ATP8A1: variants seen among roughly 807,000 people sequenced by gnomAD.
The protein encoded by ATP8A1 is ATPase phospholipid transporting 8A1, also known as phospholipid-transporting ATPase IA.
ATP8A1 carries 90 observed loss-of-function variants against 177.7 expected under a neutral mutation model. The observed-to-expected ratio is 0.51, with a 90% CI of 0.43 to 0.60. The LOEUF (loss-of-function observed/expected upper bound fraction) is 0.60. ATP8A1 is among the 20% of genes least tolerant of loss of function. ATP8A1 has a pLI of 0.00. For synonymous variants in ATP8A1, 493 were observed against 485.9 expected, an observed-to-expected ratio of 1.01 and a Z score of -0.19; for missense variants, 1,072 against 1,392.8, an observed-to-expected ratio of 0.77 and a Z score of 3.67.
At chr4:42,463,319 T>G (rs186414141) in intron 27 of ATP8A1, among the ~76,000 whole-genome samples, 29 of 152,296 alleles carry the variant, frequency 1.9e-4, no homozygotes, top group African/African-American at 7.0e-4. Flanking sequence ...TGTGATGTTC[T>G]CGTGATAGTG....
intron 7 of ATP8A1, chr4:42,588,546 G>T: frequency 2.2e-6 from 1 of 450,060 alleles, no homozygotes; most frequent in Non-Finnish European, 4.0e-6. Context: ...GGACCCAAAA[G>T]CAATTTCCTG....
intron 23 of ATP8A1, among the ~76,000 whole-genome samples, chr4:42,503,843 T>C (rs1163487068): frequency 2.0e-5 from 3 of 152,200 alleles, no homozygotes; most frequent in Non-Finnish European, 4.4e-5. Flanking sequence ...AGGCCAACGA[T>C]TGTTTCTAGA....
At chr4:42,420,283 C>CTT (rs1378921415) in intron 35 of ATP8A1, among the ~76,000 whole-genome samples, 1 of 152,156 alleles carries the variant, frequency 6.6e-6, no homozygotes, top group Non-Finnish European at 1.5e-5. Context: ...CACCAGTGGG[C>CTT]GGCAGTGGCA....
In ATP8A1 at chr4:42,578,663, TA is replaced by T. The variant is rs1460008898; in HGVS notation, c.1001-277del. On this transcript the variant is annotated intron_variant, in intron 11 of 36. Transcript: ENST00000381668. The stretch of plus-strand genomic sequence containing the variant: ...CAAACCCTCTTCCAAACACAAAGTT[TA>T]GAGACATCAGGGATAGCACTGAGGG... Among the ~76,000 whole-genome samples, 5 of 152,252 alleles carry T rather than the reference TA, an allele frequency of 3.3e-5. No homozygotes were observed. In the East Asian group the frequency reaches 9.6e-4, roughly 29 times the overall value.
chr4:42,574,636 T>C lies in ATP8A1; in HGVS notation c.1278A>G (p.Ile426Met). 6.2e-7 allele frequency: 1 copy of C among 1,610,308 alleles called. No individual in the cohort carries two copies. The highest frequency in any genetic ancestry group is 1.7e-4 in the Middle Eastern group (1 of 6,046). Reference protein sequence around the residue: ...CNVMQFKKCTIAGVAYGHVPE... With the variant: ...CNVMQFKKCTMAGVAYGHVPE... The stretch of plus-strand genomic sequence containing the variant: ...AAACTCACCCATAAGCAACTCCCGC[T>C]ATGGTGCACTTCTTAAACTGCATTA... The change falls in exon 14 of 37, where the codon ATA becomes ATG. Residue 426 changes from isoleucine to methionine, a missense_variant. Ile to Met is a conservative substitution (Grantham distance 10). Coordinates refer to ENST00000381668, the MANE Select transcript of ATP8A1 (RefSeq NM_006095.2).
intron 1 of ATP8A1, among the ~76,000 whole-genome samples, chr4:42,632,297 A>G (rs962079634): frequency 7.2e-5 from 11 of 152,346 alleles, no homozygotes; most frequent in Non-Finnish European, 1.2e-4. Flanking sequence ...GAAATGAGCA[A>G]GGAAAAGACT....
chr4:42,499,838 AT>A (rs1723649856), intron 24 of ATP8A1, among the ~76,000 whole-genome samples: 1 of 152,208 alleles, frequency 6.6e-6, no homozygotes, highest in African/African-American at 2.4e-5. Flanking sequence ...ACAGTATGAG[AT>A]TCTCTAGTGC....
rs952758270 is a variant in ATP8A1, at chr4:42,657,099, A to G, written c.-226T>C. On this transcript the variant is annotated 5_prime_UTR_variant, in exon 1 of 37. Transcript: ENST00000381668. ...GTGGCGGCGCCCGCAGAGCTGGGCGAGCTCTTGCTGCAGCCGCGGAGGGGC... is the reference window on the plus strand; with the variant it reads ...GTGGCGGCGCCCGCAGAGCTGGGCGGGCTCTTGCTGCAGCCGCGGAGGGGC... The G allele has an allele frequency of 2.6e-6, 1 of 386,192 alleles. No homozygotes were observed. The allele number at this position is 386,192 out of a possible 1,614,324, so 23.9% of individuals were successfully genotyped here.
rs1316057818 is a variant in ATP8A1 at position 42,409,181 on chromosome 4, C to T, written c.*3735G>A. On this transcript the variant is annotated 3_prime_UTR_variant, in exon 37 of 37. Transcript: ENST00000381668. ...ATTTACAGCAATAGCCATGCATTGG[C>T]CTGGATCACTTTAAATATGAACTCA... 4 of 152,130 alleles carry T rather than the reference C, an allele frequency of 2.6e-5. No individual in the cohort carries two copies. The highest frequency in any genetic ancestry group is 9.7e-5 in the African/African-American group (4 of 41,440). 9.4% of individuals were successfully genotyped at this position (152,130 alleles called of 1,614,324 possible).
intron 1 of ATP8A1, among the ~76,000 whole-genome samples, chr4:42,646,859 A>G (rs1321474498): frequency 1.3e-5 from 2 of 152,196 alleles, no homozygotes; most frequent in African/African-American, 4.8e-5. Context: ...TTAGAGGTCT[A>G]ATTAATCCAT....
At chr4:42,559,497 G>A (rs190126967) in intron 15 of ATP8A1, among the ~76,000 whole-genome samples, 91 of 152,190 alleles carry the variant, frequency 6.0e-4, no homozygotes, top group Non-Finnish European at 1.0e-3. Flanking sequence ...GTAATTGTAG[G>A]AAAATAGTAA....
intron 17 of ATP8A1, 38 bp from the exon 18 acceptor site, chr4:42,551,318 G>GAA: frequency 7.2e-7 from 1 of 1,395,882 alleles, no homozygotes; most frequent in Non-Finnish European, 1.0e-6. Context: ...ACACATGATT[G>GAA]AAAAAAAAAT....
chr4:42,421,761 T>A (rs891882575), intron 35 of ATP8A1, among the ~76,000 whole-genome samples: 1 of 152,054 alleles, frequency 6.6e-6, no homozygotes. Flanking sequence ...TAGGGTAAAA[T>A]ATTTCCTATA....
intron 31 of ATP8A1, among the ~76,000 whole-genome samples, chr4:42,446,126 T>TAAAGAAAA (rs1418711295): frequency 7.7e-6 from 1 of 129,378 alleles, no homozygotes; most frequent in East Asian, 2.6e-4. Context: ...TGAAATAAAT[T>TAAAGAAAA]AAAGAAAAAT....
At position 42,452,047 on chromosome 4, in the gene ATP8A1, G is replaced by C; in HGVS notation, c.2830C>G (p.His944Asp). ...GAGTGGAAGAGGCCATTTAAACAATGAACCCAGAAAACCTGAGGGAAAACA... is the reference window on the plus strand; with the variant it reads ...GAGTGGAAGAGGCCATTTAAACAATCAACCCAGAAAACCTGAGGGAAAACA... ...LDFNTKVFWV[H>D]CLNGLFHSVI... Residue 944 changes from histidine to aspartate, a missense_variant, in exon 30 of 37, where the codon CAT becomes GAT. His to Asp is a moderately conservative substitution (Grantham distance 81). This residue lies in a region of ATP8A1 where 316 missense variants were observed against 459.1 expected (regional missense o/e 0.69). Transcript: ENST00000381668. The C allele has an allele frequency of 1.2e-6, 2 of 1,612,680 alleles. No individual in the cohort carries two copies. The highest frequency in any genetic ancestry group is 1.7e-6 in the Non-Finnish European group (2 of 1,179,288).
intron 20 of ATP8A1, among the ~76,000 whole-genome samples, chr4:42,526,082 A>G (rs1726640737): frequency 6.6e-6 from 1 of 152,198 alleles, no homozygotes; most frequent in African/African-American, 2.4e-5. Flanking sequence ...AAAACTAAGA[A>G]AATATTTGAA....
At chr4:42,522,755 C>T (rs1233865073) in intron 21 of ATP8A1, among the ~76,000 whole-genome samples, 2 of 152,206 alleles carry the variant, frequency 1.3e-5, no homozygotes, top group African/African-American at 2.4e-5. Context: ...CGACTGCCCA[C>T]TGTCTGCCTT....
intron 33 of ATP8A1, among the ~76,000 whole-genome samples, chr4:42,433,920 G>A (rs1044358194): frequency 6.6e-6 from 1 of 150,916 alleles, no homozygotes; most frequent in African/African-American, 2.4e-5. Flanking sequence ...TTGGGACCTG[G>A]ATAAACTAGA....
chr4:42,522,125 A>T (rs1423094355), intron 22 of ATP8A1, 35 bp downstream of exon 22: 1 of 1,566,030 alleles, frequency 6.4e-7, no homozygotes, highest in Non-Finnish European at 8.6e-7. Context: ...CTGGAAACCA[A>T]ACCCTCTGTA....
Sources: allele counts gnomAD v4.1 joint callset (sites outside exome capture counted in the v4.1 genomes callset), GRCh38; gene constraint gnomAD v4.1.1; regional missense constraint gnomAD v4.1.1; transcripts MANE v1.5; gene names NCBI Gene and HGNC (gene_info 2026-07-23, HGNC 2026-07-21).